ACTN1: variants seen among roughly 807,000 people sequenced by gnomAD.
ACTN1 encodes alpha-actinin-1.
A neutral mutation model predicts 119.6 loss-of-function variants in ACTN1; 30 were observed. The observed-to-expected ratio is 0.25, with a 90% CI of 0.19 to 0.34. The LOEUF (loss-of-function observed/expected upper bound fraction) is 0.34. Ranked by LOEUF, ACTN1 falls within the 10% of genes least tolerant of loss-of-function variation. The pLI, the probability that ACTN1 is intolerant of heterozygous loss-of-function variation, is 1.00. For missense variants in ACTN1, 764 were observed against 1,223.4 expected, an observed-to-expected ratio of 0.62 and a Z score of 5.60; for synonymous variants, 429 against 472.6, an observed-to-expected ratio of 0.91 and a Z score of 1.20.
chr14:68,951,293 C>T (rs996526922), intron 1 of ACTN1, among the ~76,000 whole-genome samples: 1 of 152,180 alleles, frequency 6.6e-6, no homozygotes, highest in Non-Finnish European at 1.5e-5. Context: ...TGGCCCAATC[C>T]CAGGGGCCCA....
intron 1 of ACTN1, among the ~76,000 whole-genome samples, chr14:68,943,819 A>T (rs1755457215): frequency 6.6e-6 from 1 of 152,242 alleles, no homozygotes; most frequent in African/African-American, 2.4e-5. Context: ...CCACAGTCAC[A>T]CAGCTGGCAA....
chr14:68,938,867 G>T (rs749339303), intron 1 of ACTN1, among the ~76,000 whole-genome samples: 7 of 152,178 alleles, frequency 4.6e-5, no homozygotes, highest in Non-Finnish European at 8.8e-5. Flanking sequence ...CCACTGATGA[G>T]AGAACTCTGA....
intron 8 of ACTN1, among the ~76,000 whole-genome samples, chr14:68,897,295 G>GT (rs1261954546): frequency 2.6e-5 from 4 of 152,052 alleles, no homozygotes; most frequent in African/African-American, 7.2e-5. Flanking sequence ...GAATTTTCAT[G>GT]TTTTTTTATG....
At position 68,909,273 on chromosome 14, in the gene ACTN1, C is replaced by A. The variant is rs750892202; in HGVS notation, c.594+45G>T. On this transcript the variant is annotated intron_variant, in intron 6 of 21. Transcript: ENST00000394419. The surrounding 1 kb of genome is among the most constrained non-coding windows in gnomAD (Gnocchi z 4.1). ...TCCTAGTCCTGCTCTTTTCCCACCC[C>A]ACCTGCCAGGGACCCAAAGCGGGTG... 2.5e-6 allele frequency: 4 copies of A among 1,594,072 alleles called. No homozygotes were observed. In the South Asian group the frequency reaches 3.3e-5, roughly 13 times the overall value.
At chr14:68,967,556 A>G (rs2036746286) in intron 1 of ACTN1, among the ~76,000 whole-genome samples, 1 of 152,172 alleles carries the variant, frequency 6.6e-6, no homozygotes, top group African/African-American at 2.4e-5. Flanking sequence ...AATCCTCTAA[A>G]TGTCTTTAGA....
At position 68,909,441 on chromosome 14, in the gene ACTN1, G is replaced by C; in HGVS notation, c.516-45C>G. 6.3e-7 allele frequency: 1 copy of C among 1,597,456 alleles called. No homozygotes were observed. Among genetic ancestry groups the C allele is most frequent in the Non-Finnish European group, 8.6e-7 (1 of 1,166,458 alleles). On this transcript the variant is annotated intron_variant, in intron 5 of 21. Coordinates refer to ENST00000394419, the MANE Select transcript of ACTN1 (RefSeq NM_001130004.2). This position sits in a 1 kb window ranked among gnomAD's most constrained non-coding sequence, Gnocchi z 4.1. ...AAGGAGCAGGCTGGTAAATGAGGCT[G>C]AACAAACGGGCAACCAGGGCAAAGC...
intron 1 of ACTN1, among the ~76,000 whole-genome samples, chr14:68,966,046 T>C (rs577036345): frequency 6.6e-6 from 1 of 152,092 alleles, no homozygotes; most frequent in Non-Finnish European, 1.5e-5. Context: ...AGCAAGACCC[T>C]GTCCCTACAA....
At chr14:68,916,712 C>T (rs931770890) in intron 3 of ACTN1, among the ~76,000 whole-genome samples, 1 of 151,924 alleles carries the variant, frequency 6.6e-6, no homozygotes, top group Non-Finnish European at 1.5e-5. Context: ...GGGAGGGTTC[C>T]AAGGCCACAA....
intron 1 of ACTN1, among the ~76,000 whole-genome samples, chr14:68,941,142 A>G (rs943827535): frequency 6.6e-6 from 1 of 152,244 alleles, no homozygotes; most frequent in African/African-American, 2.4e-5. Flanking sequence ...AAGCCCCTGA[A>G]GAGCAGCCAG....
rs1464155099 is a variant in ACTN1 at position 68,884,383 on chromosome 14, T to C, written c.1495-75A>G. 6 of 1,520,716 alleles carry C rather than the reference T, an allele frequency of 3.9e-6. No individual in the cohort carries two copies. In the African/African-American group the frequency reaches 6.9e-5, roughly 18 times the overall value. The allele number at this position is 1,520,716 out of a possible 1,614,324, so 94.2% of individuals were successfully genotyped here. ...TCCCCCACTCCTATCAAGATCCTCC[T>C]GGTGAGCCCCAGGTCTAGAAGCACT... is the stretch of plus-strand genomic sequence containing the variant. On this transcript the variant is annotated intron_variant, in intron 13 of 21. Coordinates refer to ENST00000394419, the MANE Select transcript of ACTN1 (RefSeq NM_001130004.2).
intron 1 of ACTN1, among the ~76,000 whole-genome samples, chr14:68,941,326 T>C (rs916798226): frequency 2.0e-5 from 3 of 152,230 alleles, no homozygotes; most frequent in Non-Finnish European, 4.4e-5. Context: ...TACAGATTGC[T>C]GGGCCCCACC....
intron 8 of ACTN1, among the ~76,000 whole-genome samples, chr14:68,899,431 A>AC (rs1190978896): frequency 1.6e-5 from 2 of 126,270 alleles, no homozygotes; most frequent in Non-Finnish European, 3.3e-5. Flanking sequence ...CATTCCCCAC[A>AC]CCCCCCAGAC....
intron 10 of ACTN1, among the ~76,000 whole-genome samples, chr14:68,891,729 C>A (rs574058504): frequency 6.6e-6 from 1 of 152,162 alleles, no homozygotes; most frequent in African/African-American, 2.4e-5. Flanking sequence ...TCAATTATGC[C>A]CTGTTTGGTT....
chr14:68,886,360 T>G (rs1005162664), intron 11 of ACTN1: 1 of 152,244 alleles, frequency 6.6e-6, no homozygotes, highest in Non-Finnish European at 1.5e-5. Flanking sequence ...CTACTCTTTC[T>G]TCTTTAAAAC....
In ACTN1 at chr14:68,875,028, A is replaced by G; in HGVS notation, c.2587-11T>C. On this transcript the variant is annotated splice_polypyrimidine_tract_variant and intron_variant, in intron 21 of 21. Transcript: ENST00000394419. ...CATGGTAATGTAGTTCTGCGAGGAG[A>G]GAGTGGTCAGGAAGGCCGCAAAGTC... 6.2e-7 allele frequency: 1 copy of G among 1,612,182 alleles called. No homozygotes were observed.
intron 1 of ACTN1, among the ~76,000 whole-genome samples, chr14:68,949,554 G>A (rs997366260): frequency 6.6e-6 from 1 of 152,196 alleles, no homozygotes; most frequent in Admixed American, 6.5e-5. Flanking sequence ...CAAGGTGCCT[G>A]AGAAGCACAA....
At chr14:68,931,988 T>C (rs1594835501) in intron 1 of ACTN1, among the ~76,000 whole-genome samples, 2 of 151,974 alleles carry the variant, frequency 1.3e-5, no homozygotes, top group South Asian at 4.2e-4. Context: ...TTGAAAATGT[T>C]GGTTTAGAGG....
At chr14:68,916,435 G>C (rs193082998) in intron 3 of ACTN1, among the ~76,000 whole-genome samples, 1 of 152,150 alleles carries the variant, frequency 6.6e-6, no homozygotes, top group South Asian at 2.1e-4. Context: ...TTTGCTTACT[G>C]AATTCTCATT....
At chr14:68,957,405 C>G (rs1000325606) in intron 1 of ACTN1, among the ~76,000 whole-genome samples, 1 of 152,196 alleles carries the variant, frequency 6.6e-6, no homozygotes, top group Non-Finnish European at 1.5e-5. Flanking sequence ...TGTGCATCAG[C>G]TCCTATATGC....
Sources: allele counts gnomAD v4.1 joint callset (sites outside exome capture counted in the v4.1 genomes callset), GRCh38; gene constraint gnomAD v4.1.1; non-coding constraint Gnocchi (gnomAD v3.1); transcripts MANE v1.5; gene names NCBI Gene and HGNC (gene_info 2026-07-23, HGNC 2026-07-21).